Variants in MKLN1 observed in about 807,000 individuals in gnomAD.
MKLN1 encodes muskelin 1.
A neutral mutation model predicts 99.0 loss-of-function variants in MKLN1; 18 were observed. The ratio of observed to expected loss-of-function variants is 0.18; its 90% CI spans 0.13 to 0.27. The LOEUF is 0.27. Ranked by LOEUF, MKLN1 falls within the 10% of genes least tolerant of loss-of-function variation. MKLN1 has a pLI of 1.00. For missense variants in MKLN1, 621 were observed against 875.9 expected (o/e 0.71, Z 3.67); for synonymous variants, 288 against 293.2 (o/e 0.98, Z 0.18).
chr7:131,168,263 C>G (rs1384633450), intron 2 of MKLN1, among the ~76,000 whole-genome samples: 3 of 152,042 alleles, frequency 2.0e-5, no homozygotes, highest in Non-Finnish European at 4.4e-5. Context: ...AATGGCTGGC[C>G]CTACAGCTCA....
At chr7:131,371,880 C>T (rs1046291829) in intron 1 of MKLN1, among the ~76,000 whole-genome samples, 1 of 151,672 alleles carries the variant, frequency 6.6e-6, no homozygotes, top group Admixed American at 6.6e-5. Flanking sequence ...TGATTCATTA[C>T]AGCTGACAAA....
At chr7:131,169,007 A>G (rs1008985776) in intron 2 of MKLN1, among the ~76,000 whole-genome samples, 3 of 151,960 alleles carry the variant, frequency 2.0e-5, no homozygotes, top group Admixed American at 2.0e-4. Context: ...AGCTGGGATT[A>G]CAGGCACCCA....
At chr7:131,309,809 TC>T (rs1470315167) in intron 3 of MKLN1, 6 of 142,314 alleles carry the variant, frequency 4.2e-5, no homozygotes, top group African/African-American at 1.6e-4. Flanking sequence ...CACTGCAAGC[TC>T]TGCTTCCTGG....
chr7:131,348,938 C>T (rs1043512524), intron 1 of MKLN1, among the ~76,000 whole-genome samples: 6 of 151,952 alleles, frequency 3.9e-5, no homozygotes, highest in Admixed American at 1.3e-4. Flanking sequence ...ATTTTTTTCT[C>T]ATACAAAATG....
intron 3 of MKLN1, among the ~76,000 whole-genome samples, chr7:131,259,050 C>T (rs757838011): frequency 1.4e-4 from 22 of 152,172 alleles, no homozygotes; most frequent in East Asian, 5.8e-4. Flanking sequence ...GTACAGACTG[C>T]CTACACTTTG....
rs931734616 is a variant in MKLN1, at chr7:131,491,050, C to G, written c.*3322C>G. On this transcript the variant is annotated 3_prime_UTR_variant, in exon 18 of 18. Coordinates refer to ENST00000352689, the MANE Select transcript of MKLN1 (RefSeq NM_013255.5). Reference sequence around the variant, plus strand: ...CATGAAGAAGTTACCTGCAATTATTCTTAACACTACATGGAATTCACTGGG... The same window carrying G: ...CATGAAGAAGTTACCTGCAATTATTGTTAACACTACATGGAATTCACTGGG... The G allele has an allele frequency of 3.3e-5, 5 of 152,080 alleles. 1 individual carries two copies. The East Asian group carries it at 9.6e-4, about 29-fold the overall frequency. 9.4% of individuals were successfully genotyped at this position (152,080 alleles called of 1,614,324 possible).
Position 131,182,097 on chromosome 7 carries a change from G to A in MKLN1, c.-296-20760G>A, listed in dbSNP as rs760084314. Among the ~76,000 whole-genome samples, 14 of 152,044 alleles carry A rather than the reference G, an allele frequency of 9.2e-5. 1 individual carries two copies. Among genetic ancestry groups the A allele is most frequent in the Non-Finnish European group, 1.9e-4 (13 of 68,020 alleles). On this transcript the variant is annotated intron_variant, in intron 2 of 7. Coordinates refer to the MKLN1 transcript ENST00000416992. ...TGCAGTGAGCCGAGATCGCACCACTGCACTCCAGCCTGGGTGACAGAGTGA... is the reference window on the plus strand; with the variant it reads ...TGCAGTGAGCCGAGATCGCACCACTACACTCCAGCCTGGGTGACAGAGTGA...
At chr7:131,245,517 C>T (rs1414796803) in intron 3 of MKLN1, among the ~76,000 whole-genome samples, 1 of 152,102 alleles carries the variant, frequency 6.6e-6, no homozygotes, top group East Asian at 1.9e-4. Flanking sequence ...ATCCGCGCCC[C>T]CCGCCCCCGG....
chr7:131,387,417 G>A (rs1197133372), intron 3 of MKLN1, among the ~76,000 whole-genome samples, 155 bp downstream of exon 3: 2 of 152,156 alleles, frequency 1.3e-5, no homozygotes, highest in Non-Finnish European at 1.5e-5. Context: ...ACTGTGGCTT[G>A]AGTTAGCTTT....
intron 2 of MKLN1, among the ~76,000 whole-genome samples, chr7:131,385,012 C>T (rs1793966665): frequency 2.0e-5 from 3 of 152,192 alleles, no homozygotes; most frequent in Non-Finnish European, 4.4e-5. Flanking sequence ...CACAAAGAAA[C>T]TTCATATACC....
intron 3 of MKLN1, among the ~76,000 whole-genome samples, chr7:131,258,931 C>G (rs1345885392): frequency 6.6e-6 from 1 of 151,984 alleles, no homozygotes; most frequent in African/African-American, 2.4e-5. Context: ...CTTTTTAGCT[C>G]CCAGAAATGC....
At chr7:131,317,957 A>G (rs991098391) in intron 3 of MKLN1, among the ~76,000 whole-genome samples, 1 of 152,154 alleles carries the variant, frequency 6.6e-6, no homozygotes, top group South Asian at 2.1e-4. Flanking sequence ...CAGATTCATA[A>G]AACAAGTTCT....
At chr7:131,213,726 T>A (rs891507394) in intron 3 of MKLN1, among the ~76,000 whole-genome samples, 2 of 152,232 alleles carry the variant, frequency 1.3e-5, no homozygotes, top group African/African-American at 4.8e-5. Context: ...AAAAGTTCTG[T>A]TTCTCCACAT....
chr7:131,134,675 A>G (rs1795620825), intron 1 of MKLN1, among the ~76,000 whole-genome samples: 1 of 152,072 alleles, frequency 6.6e-6, no homozygotes, highest in Admixed American at 6.6e-5. Flanking sequence ...CTTCAGTGCT[A>G]CTTTTAAATC....
chr7:131,452,792 G>A (rs550637712), intron 12 of MKLN1, among the ~76,000 whole-genome samples: 4 of 151,800 alleles, frequency 2.6e-5, no homozygotes, highest in South Asian at 2.1e-4. Flanking sequence ...CTTGTGATCC[G>A]CCCGCCTCGG....
Position 131,183,269 on chromosome 7 carries a change from G to A in MKLN1, c.-296-19588G>A, listed in dbSNP as rs901948174. 7.9e-5 allele frequency among the ~76,000 whole-genome samples: 12 copies of A among 152,214 alleles called. 1 individual carries two copies. Among genetic ancestry groups the A allele is most frequent in the Admixed American group, 3.3e-4 (5 of 15,280 alleles). On this transcript the variant is annotated intron_variant, in intron 2 of 7. Coordinates refer to the MKLN1 transcript ENST00000416992. ...ATCTTATTTGATCCTCCCAACAACC[G>A]GTAAGGTAAGAGAGGTAATCTGAAA...
At chr7:131,413,545 CT>C (rs879859616) in intron 7 of MKLN1, among the ~76,000 whole-genome samples, 93 of 146,712 alleles carry the variant, frequency 6.3e-4, no homozygotes, top group Non-Finnish European at 4.8e-4. Context: ...TAATTTATAA[CT>C]TTTTTTTTTT....
At chr7:131,331,090 G>T (rs1584612078) in intron 1 of MKLN1, among the ~76,000 whole-genome samples, 1 of 152,186 alleles carries the variant, frequency 6.6e-6, no homozygotes, top group Non-Finnish European at 1.5e-5. Flanking sequence ...TAATAATGAT[G>T]CTAGTTACAA....
At chr7:131,431,745 T>A (rs1795527983) in intron 9 of MKLN1, among the ~76,000 whole-genome samples, 1 of 152,226 alleles carries the variant, frequency 6.6e-6, no homozygotes, top group South Asian at 2.1e-4. Context: ...TTATCTCACT[T>A]CCTTTTGCTT....
Sources: allele counts gnomAD v4.1 joint callset (sites outside exome capture counted in the v4.1 genomes callset), GRCh38; gene constraint gnomAD v4.1.1; transcripts MANE v1.5; gene names NCBI Gene and HGNC (gene_info 2026-07-23, HGNC 2026-07-21).